Variants in COL11A1 observed in about 807,000 individuals in gnomAD.
The protein encoded by COL11A1 is collagen type XI alpha 1 chain.
A neutral mutation model predicts 265.2 loss-of-function variants in COL11A1; 74 were observed. The observed-to-expected ratio is 0.28, with a 90% CI of 0.23 to 0.34. COL11A1 has a LOEUF of 0.34. COL11A1 is among the 10% of genes least tolerant of loss of function. The pLI is 1.00. For synonymous variants in COL11A1, 816 were observed against 727.6 expected, an observed-to-expected ratio of 1.12 and a Z score of -1.96; for missense variants, 2,165 against 2,263.6, an observed-to-expected ratio of 0.96 and a Z score of 0.88.
chr1:102,998,086 G>A (rs970665237), intron 25 of COL11A1, among the ~76,000 whole-genome samples: 2 of 151,940 alleles, frequency 1.3e-5, no homozygotes, highest in Admixed American at 1.3e-4. Flanking sequence ...GGAGGTTCTG[G>A]CTTGGAGTGC....
chr1:102,920,439 G>A, intron 48 of COL11A1, 75 bp from the exon 49 acceptor site: 1 of 1,317,480 alleles, frequency 7.6e-7, no homozygotes, highest in Non-Finnish European at 1.1e-6. Flanking sequence ...ATGTCTAGTT[G>A]TTCTCAAAAA....
chr1:103,005,677 T>A (rs1427662748), intron 18 of COL11A1, among the ~76,000 whole-genome samples, 161 bp downstream of exon 18: 1 of 152,222 alleles, frequency 6.6e-6, no homozygotes, highest in Non-Finnish European at 1.5e-5. Context: ...TGATACCACA[T>A]GTGTAATTTT....
intron 41 of COL11A1, 155 bp downstream of exon 41, chr1:102,961,711 T>G (rs1660924328): frequency 1.5e-6 from 1 of 679,076 alleles, no homozygotes; most frequent in Admixed American, 2.1e-5. Context: ...CATTCATTAG[T>G]GCATGCAATT....
intron 54 of COL11A1, among the ~76,000 whole-genome samples, chr1:102,911,858 C>T (rs1462422332): frequency 6.6e-6 from 1 of 152,124 alleles, no homozygotes; most frequent in Admixed American, 6.6e-5. Context: ...AGTTAATGTT[C>T]AGGATACCAC....
intron 30 of COL11A1, among the ~76,000 whole-genome samples, chr1:102,986,419 G>T (rs1465144626): frequency 2.8e-4 from 32 of 113,794 alleles, no homozygotes; most frequent in African/African-American, 8.8e-4. Flanking sequence ...GTTGTGGGGT[G>T]GGGGGAGGGG....
chr1:102,900,447 A>T (rs1653042022), intron 54 of COL11A1, among the ~76,000 whole-genome samples: 1 of 152,158 alleles, frequency 6.6e-6, no homozygotes. Flanking sequence ...AATAATAATG[A>T]TTATTATTTG....
At chr1:102,994,107 C>T (rs1411086410) in intron 28 of COL11A1, among the ~76,000 whole-genome samples, 2 of 152,080 alleles carry the variant, frequency 1.3e-5, no homozygotes, top group Non-Finnish European at 2.9e-5. Flanking sequence ...TATAATAAAT[C>T]CATCCCTTTT....
Position 102,961,888 on chromosome 1 carries a change from G to T in COL11A1, c.3146C>A (p.Pro1049His). ...TACAACTGGACCTGGTGGGCCCTGG[G>T]GACCTTCCCCTCCTTTCAGTCCAGG... is the stretch of plus-strand genomic sequence containing the variant. ...GAPGLKGGEG[P>H]QGPPGPVGSP... The change falls in exon 41 of 67, where the codon CCC (proline) becomes CAC (histidine). Residue 1049 changes from proline (P) to histidine (H), a missense_variant. Coordinates refer to ENST00000370096, the MANE Select transcript of COL11A1 (RefSeq NM_001854.4). The T allele has an allele frequency of 6.2e-7, 1 of 1,613,172 alleles. No individual in the cohort carries two copies. Among genetic ancestry groups the T allele is most frequent in the Non-Finnish European group, 8.5e-7 (1 of 1,179,614 alleles).
At chr1:102,973,993 A>C (rs1428421559) in intron 36 of COL11A1, among the ~76,000 whole-genome samples, 1 of 152,196 alleles carries the variant, frequency 6.6e-6, no homozygotes, top group Non-Finnish European at 1.5e-5. Flanking sequence ...AACTGTCTAG[A>C]GGGTGTTTTA....
chr1:103,002,463 C>G lies in COL11A1; in HGVS notation c.2062G>C (p.Gly688Arg), dbSNP rs1665200373. The change falls in exon 23 of 67, where the codon GGG (glycine) becomes CGG (arginine). Residue 688 changes from glycine (G) to arginine (R), a missense_variant. Gly to Arg is a moderately radical substitution (Grantham distance 125, BLOSUM62 -2). Coordinates refer to ENST00000370096, the MANE Select transcript of COL11A1 (RefSeq NM_001854.4). ...KGNMGPQGEPGPPGQQGNPGP... is the reference protein window; with the variant it reads ...KGNMGPQGEPRPPGQQGNPGP... ...GGATTCCCTTGTTGACCTGGAGGCC[C>G]AGGCTCCCCTTGGGGACCCTGCCAG... The G allele has an allele frequency of 1.2e-6, 2 of 1,609,904 alleles. No individual in the cohort carries two copies. Among genetic ancestry groups the G allele is most frequent in the Admixed American group, 1.7e-5 (1 of 59,422 alleles).
chr1:102,958,307 C>G (rs1390717532), intron 41 of COL11A1, among the ~76,000 whole-genome samples: 1 of 151,856 alleles, frequency 6.6e-6, no homozygotes, highest in Middle Eastern at 3.2e-3. Context: ...AAAGAAATCC[C>G]TACTCCTGAT....
chr1:102,992,029 A>C (rs1318583252), intron 28 of COL11A1, among the ~76,000 whole-genome samples: 1 of 152,160 alleles, frequency 6.6e-6, no homozygotes, highest in Non-Finnish European at 1.5e-5. Flanking sequence ...CTTAGTTTAA[A>C]GAACACTGCA....
Position 103,026,251 on chromosome 1 carries a change from G to A in COL11A1, c.862C>T (p.Pro288Ser). The A allele has an allele frequency of 1.2e-6, 2 of 1,613,392 alleles. No homozygotes were observed. Among genetic ancestry groups the A allele is most frequent in the Non-Finnish European group, 1.7e-6 (2 of 1,179,474 alleles). ...YKEAESVTEG[P>S]TVTEETIAQT... is the part of the protein sequence containing the mutation. ...GCTATTGTCTCCTCAGTTACAGTGG[G>A]TCCCTCTGTTACACTTTCAGCCTCT... Residue 288 changes from proline (P) to serine (S), a missense_variant, in exon 6 of 67, where the codon CCC becomes TCC. Coordinates refer to ENST00000370096, the MANE Select transcript of COL11A1 (RefSeq NM_001854.4).
At chr1:102,934,955 A>G (rs1657989788) in intron 45 of COL11A1, 105 bp downstream of exon 45, 2 of 1,072,346 alleles carry the variant, frequency 1.9e-6, no homozygotes, top group South Asian at 2.7e-5. Flanking sequence ...CAAACATACA[A>G]ACAAAACTTA....
Position 102,983,996 on chromosome 1 carries a change from C to G in COL11A1, c.2556+142G>C, listed in dbSNP as rs553224204. 11 of 614,838 alleles carry G rather than the reference C, an allele frequency of 1.8e-5. No homozygotes were observed. In the South Asian group the frequency reaches 1.8e-4, roughly 10 times the overall value. The allele number at this position is 614,838 out of a possible 1,614,324, so 38.1% of individuals were successfully genotyped here. On this transcript the variant is annotated intron_variant, in intron 31 of 66. Coordinates refer to ENST00000370096, the MANE Select transcript of COL11A1 (RefSeq NM_001854.4). ...TTGAGCTCCCTGCACTCCAGGCGTC[C>G]ACACACTCTATGATTTTCCTTGTGA...
rs1176154508 is a variant in COL11A1 at position 102,876,966 on chromosome 1, A to G, written c.*1053T>C. 2 of 152,560 alleles carry G rather than the reference A, an allele frequency of 1.3e-5. No individual in the cohort carries two copies. The highest frequency in any genetic ancestry group is 4.8e-5 in the African/African-American group (2 of 41,446). The allele number at this position is 152,560 out of a possible 1,614,324, so 9.5% of individuals were successfully genotyped here. A position where few individuals can be genotyped will look rare whatever the true frequency, so the allele number is the denominator to read the frequency against. On this transcript the variant is annotated 3_prime_UTR_variant, in exon 67 of 67. Transcript: ENST00000370096. Reference sequence around the variant, plus strand: ...TAAAATAATTTTCGAGACTGTTATAATATGCAACTTAGAATCAAATTCAAG... The same window carrying G: ...TAAAATAATTTTCGAGACTGTTATAGTATGCAACTTAGAATCAAATTCAAG...
At chr1:102,883,376 G>T in intron 63 of COL11A1, 65 bp from the exon 64 acceptor site, 1 of 989,822 alleles carries the variant, frequency 1.0e-6, no homozygotes, top group Non-Finnish European at 1.6e-6. Flanking sequence ...TGCATTAGAT[G>T]TCAAATTTTG....
chr1:102,945,101 CT>C (rs1334383872), intron 42 of COL11A1, among the ~76,000 whole-genome samples: 1 of 151,970 alleles, frequency 6.6e-6, no homozygotes, highest in Non-Finnish European at 1.5e-5. Flanking sequence ...AAAAAAACAT[CT>C]TTTGGAAACT....
chr1:103,026,298 T>C lies in COL11A1; in HGVS notation c.815A>G (p.Glu272Gly). The C allele has an allele frequency of 1.2e-6, 2 of 1,613,566 alleles. No individual in the cohort carries two copies. The highest frequency in any genetic ancestry group is 1.7e-6 in the Non-Finnish European group (2 of 1,179,512). ...CTCTTTATACTCTGCTTCCCCATAC[T>C]CATAGTCATATTCGATTATATCCTC... is the stretch of plus-strand genomic sequence containing the variant. ...APEDIIEYDYEYGEAEYKEAE... is the reference protein window; with the variant it reads ...APEDIIEYDYGYGEAEYKEAE... Residue 272 changes from glutamate to glycine, a missense_variant, in exon 6 of 67, where the codon GAG becomes GGG. Transcript: ENST00000370096.
Sources: gnomAD v4.1 joint callset for allele counts (sites outside exome capture counted in the v4.1 genomes callset) on GRCh38, gnomAD v4.1.1 for gene constraint, MANE v1.5 for transcripts, NCBI Gene and HGNC (gene_info 2026-07-23, HGNC 2026-07-21) for gene names.